The following SH3GL2 variants were observed in gnomAD, a reference collection of about 807,000 sequenced individuals.
SH3GL2 encodes the protein SH3 domain containing GRB2 like 2, endophilin A1, also known as endophilin-A1.
A neutral mutation model predicts 46.0 loss-of-function variants in SH3GL2; 24 were observed. The observed-to-expected ratio is 0.52, with a 90% CI of 0.38 to 0.73. The LOEUF (loss-of-function observed/expected upper bound fraction) is 0.73, where lower values mean the gene tolerates loss of function less well. Ranked by LOEUF, SH3GL2 falls within the 30% of genes least tolerant of loss-of-function variation. The pLI is 0.00. For missense variants in SH3GL2, 413 were observed against 424.2 expected, an observed-to-expected ratio of 0.97 and a Z score of 0.23; for synonymous variants, 196 against 147.1, an observed-to-expected ratio of 1.33 and a Z score of -2.40.
chr9:17,625,758 G>T (rs145686544), intron 1 of SH3GL2, among the ~76,000 whole-genome samples: 77 of 152,302 alleles, frequency 5.1e-4, no homozygotes, highest in African/African-American at 1.8e-3. Context: ...GGCAGGGTAG[G>T]AGGTGGGGTA....
chr9:17,680,180 A>G (rs1229594851), intron 1 of SH3GL2, among the ~76,000 whole-genome samples: 3 of 152,072 alleles, frequency 2.0e-5, no homozygotes, highest in East Asian at 3.9e-4. Context: ...TTTTCTATTG[A>G]TTCGAATAGT....
At chr9:17,694,834 C>G (rs1821164905) in intron 1 of SH3GL2, among the ~76,000 whole-genome samples, 1 of 152,114 alleles carries the variant, frequency 6.6e-6, no homozygotes, top group Non-Finnish European at 1.5e-5. Context: ...CCTACTAAAA[C>G]CTTCACAAGT....
intron 1 of SH3GL2, among the ~76,000 whole-genome samples, chr9:17,738,228 A>G (rs1000938657): frequency 6.6e-6 from 1 of 151,898 alleles, no homozygotes; most frequent in Admixed American, 6.6e-5. Flanking sequence ...ATTTAATCTT[A>G]AGATGTTTTT....
At chr9:17,712,385 G>A (rs1267968113) in intron 1 of SH3GL2, among the ~76,000 whole-genome samples, 1 of 151,614 alleles carries the variant, frequency 6.6e-6, no homozygotes, top group Non-Finnish European at 1.5e-5. Context: ...AAACTTTGCC[G>A]AACCCAAGTT....
intron 1 of SH3GL2, among the ~76,000 whole-genome samples, chr9:17,684,277 G>T (rs1040470015): frequency 3.3e-5 from 5 of 152,080 alleles, no homozygotes; most frequent in African/African-American, 9.7e-5. Context: ...TGCTAGAAAT[G>T]AAAAACTTAG....
At chr9:17,695,818 C>T (rs73645140) in intron 1 of SH3GL2, among the ~76,000 whole-genome samples, 4,535 of 151,942 alleles carry the variant, frequency 0.03, 86 homozygotes, top group African/African-American at 0.049. Flanking sequence ...ATCTTGATGT[C>T]TCTGAAATTG....
At chr9:17,744,692 A>C (rs906360981) in intron 1 of SH3GL2, among the ~76,000 whole-genome samples, 1 of 152,154 alleles carries the variant, frequency 6.6e-6, no homozygotes, top group African/African-American at 2.4e-5. Context: ...CTGAATTCTA[A>C]CCCCCGCACC....
intron 1 of SH3GL2, among the ~76,000 whole-genome samples, chr9:17,583,793 C>T (rs548588124): frequency 3.3e-5 from 5 of 152,198 alleles, no homozygotes; most frequent in Admixed American, 6.5e-5. Context: ...TACCTAATTT[C>T]CTCTTTCAGA....
chr9:17,635,294 A>G (rs1819517221), intron 1 of SH3GL2, among the ~76,000 whole-genome samples: 1 of 152,212 alleles, frequency 6.6e-6, no homozygotes, highest in Admixed American at 6.5e-5. Flanking sequence ...AGCTTCATCC[A>G]TGTCCCTGCA....
At chr9:17,630,935 C>T (rs971058972) in intron 1 of SH3GL2, among the ~76,000 whole-genome samples, 1 of 151,962 alleles carries the variant, frequency 6.6e-6, no homozygotes, top group South Asian at 2.1e-4. Flanking sequence ...AATTAGAACC[C>T]TTTAACTGTT....
chr9:17,703,084 A>G (rs960979441), intron 1 of SH3GL2, among the ~76,000 whole-genome samples: 3 of 152,072 alleles, frequency 2.0e-5, no homozygotes, highest in Admixed American at 2.0e-4. Flanking sequence ...AGACATTGTC[A>G]GGACCCTCAA....
At chr9:17,739,320 CT>C (rs892588856) in intron 1 of SH3GL2, among the ~76,000 whole-genome samples, 118 of 148,916 alleles carry the variant, frequency 7.9e-4, no homozygotes, top group Non-Finnish European at 1.2e-3. Flanking sequence ...TTATGAGTTG[CT>C]TTTTTTTTTC....
intron 1 of SH3GL2, among the ~76,000 whole-genome samples, chr9:17,720,198 C>T (rs1447254143): frequency 2.6e-5 from 4 of 151,952 alleles, no homozygotes; most frequent in Non-Finnish European, 5.9e-5. Flanking sequence ...AGAAGTTGTC[C>T]CAAAAGAGAA....
rs138778724 is a variant in SH3GL2, at chr9:17,706,031, C to G, written c.46-41035C>G. ...AATTTTGGAGACATAGGGCTAAAAA[C>G]TGATCAAAGTAATATATAGAAAGTA... is the stretch of plus-strand genomic sequence containing the variant. On this transcript the variant is annotated intron_variant, in intron 1 of 8. Coordinates refer to ENST00000380607, the MANE Select transcript of SH3GL2 (RefSeq NM_003026.5). 6.4e-4 allele frequency among the ~76,000 whole-genome samples: 98 copies of G among 152,052 alleles called. No homozygotes were observed. The East Asian group carries it at 0.019, about 29-fold the overall frequency.
rs190711006 is a variant in SH3GL2, at chr9:17,753,548, A to G, written c.114+6414A>G. Among the ~76,000 whole-genome samples, 535 of 152,144 alleles carry G rather than the reference A, an allele frequency of 3.5e-3. 11 individuals are homozygous for G. The highest frequency in any genetic ancestry group is 0.034 in the Admixed American group (517 of 15,276). ...TGCTTTTTTTCTTGTAAATTTCTTT[A>G]AGTTCCTTATAGATGCTGGATATTA... On this transcript the variant is annotated intron_variant, in intron 2 of 8. Coordinates refer to ENST00000380607, the MANE Select transcript of SH3GL2 (RefSeq NM_003026.5).
At chr9:17,684,588 A>G (rs1173632099) in intron 1 of SH3GL2, among the ~76,000 whole-genome samples, 1 of 152,174 alleles carries the variant, frequency 6.6e-6, no homozygotes, top group Non-Finnish European at 1.5e-5. Flanking sequence ...TCCCAAACTA[A>G]TGACACATAC....
At chr9:17,687,052 G>C (rs539971434) in intron 1 of SH3GL2, among the ~76,000 whole-genome samples, 1 of 152,034 alleles carries the variant, frequency 6.6e-6, no homozygotes, top group Non-Finnish European at 1.5e-5. Flanking sequence ...TGATAAGAAT[G>C]ATCCCAGACT....
At chr9:17,669,910 A>G (rs991365615) in intron 1 of SH3GL2, among the ~76,000 whole-genome samples, 2 of 152,196 alleles carry the variant, frequency 1.3e-5, no homozygotes, top group Admixed American at 1.3e-4. Context: ...GAAAAAGAAC[A>G]GCTCTCTGCT....
intron 1 of SH3GL2, among the ~76,000 whole-genome samples, chr9:17,636,779 G>A (rs1819554139): frequency 1.3e-5 from 2 of 152,048 alleles, no homozygotes; most frequent in Admixed American, 1.3e-4. Context: ...CCTAGTCCTT[G>A]GTTTAGTCTT....
Sources: allele counts gnomAD v4.1 joint callset (sites outside exome capture counted in the v4.1 genomes callset), GRCh38; gene constraint gnomAD v4.1.1; transcripts MANE v1.5; gene names NCBI Gene and HGNC (gene_info 2026-07-23, HGNC 2026-07-21).